The following TTC27 variants were observed in gnomAD, a reference collection of about 807,000 sequenced individuals.
TTC27 encodes tetratricopeptide repeat domain 27.
In TTC27, 79 loss-of-function variants were observed where a neutral mutation model predicts 115.9. That is an observed-to-expected ratio of 0.68 (90% CI 0.57 to 0.82). The LOEUF (loss-of-function observed/expected upper bound fraction) is 0.82, where lower values mean the gene tolerates loss of function less well. Among genes scored for constraint, TTC27 ranks in the 40% least tolerant of loss-of-function variants. The pLI, the probability that TTC27 is intolerant of heterozygous loss-of-function variation, is 0.00. For missense variants in TTC27, 1,054 were observed against 993.1 expected, an observed-to-expected ratio of 1.06 and a Z score of -0.82; for synonymous variants, 401 against 356.0, an observed-to-expected ratio of 1.13 and a Z score of -1.42.
At chr2:32,753,383 A>AAATAAATG (rs1469094355) in intron 12 of TTC27, among the ~76,000 whole-genome samples, 1 of 151,900 alleles carries the variant, frequency 6.6e-6, no homozygotes, top group Non-Finnish European at 1.5e-5. Flanking sequence ...CCAATAGAGA[A>AAATAAATG]AATAAATGGG....
At chr2:32,813,520 C>T (rs1171447389) in intron 18 of TTC27, among the ~76,000 whole-genome samples, 3 of 152,066 alleles carry the variant, frequency 2.0e-5, no homozygotes, top group Admixed American at 2.0e-4. Flanking sequence ...TAATACCTAC[C>T]CATGAAGAAT....
chr2:32,802,924 ATTTG>A (rs1163257403), intron 16 of TTC27, among the ~76,000 whole-genome samples: 1 of 152,170 alleles, frequency 6.6e-6, no homozygotes, highest in Non-Finnish European at 1.5e-5. Context: ...AGTCTATTCA[ATTTG>A]TTTATTTTAT....
intron 9 of TTC27, among the ~76,000 whole-genome samples, chr2:32,689,566 T>C (rs1351769001): frequency 6.6e-6 from 1 of 152,160 alleles, no homozygotes; most frequent in Non-Finnish European, 1.5e-5. Flanking sequence ...TCAAGCTAGT[T>C]TTCCCCATAT....
intron 12 of TTC27, among the ~76,000 whole-genome samples, chr2:32,746,994 A>T (rs1036237333): frequency 2.6e-5 from 4 of 152,242 alleles, no homozygotes; most frequent in African/African-American, 9.6e-5. Context: ...TGAGGAAAGA[A>T]GAGGTCAGTT....
intron 10 of TTC27, among the ~76,000 whole-genome samples, chr2:32,706,963 A>C (rs140839806): frequency 6.2e-4 from 95 of 152,312 alleles, no homozygotes; most frequent in Middle Eastern, 3.4e-3. Context: ...TAAGTTGTGA[A>C]CAGTAGGATG....
chr2:32,741,657 A>G (rs75305520), intron 12 of TTC27, among the ~76,000 whole-genome samples: 53,401 of 118,686 alleles, frequency 0.45, 10,151 homozygotes, highest in East Asian at 0.5. Flanking sequence ...AATAAAAAAA[A>G]CAAAAAACAA....
At chr2:32,738,610 C>G (rs144607631) in intron 12 of TTC27, among the ~76,000 whole-genome samples, 1 of 152,130 alleles carries the variant, frequency 6.6e-6, no homozygotes, top group African/African-American at 2.4e-5. Context: ...GTCAGCACTA[C>G]GTATGTTGTG....
intron 8 of TTC27, 76 bp downstream of exon 8, chr2:32,672,460 A>C (rs1033720992): frequency 2.6e-6 from 3 of 1,170,902 alleles, no homozygotes. Context: ...TCTTTATTCA[A>C]GGAGGTTCCA....
chr2:32,671,024 A>T (rs573754699), intron 7 of TTC27, among the ~76,000 whole-genome samples: 1 of 151,088 alleles, frequency 6.6e-6, no homozygotes, highest in Admixed American at 6.6e-5. Flanking sequence ...TTGTCAGTAT[A>T]TTTGGATCTG....
rs183790058 is a variant in TTC27, at chr2:32,692,087, C to T, written c.1120-10720C>T. ...TGTAGAGACAGGTCTCCCCATATTG[C>T]TCAGGCTGGTCTTGAACTCCTGGGC... On this transcript the variant is annotated intron_variant, in intron 9 of 19. Coordinates refer to ENST00000317907, the MANE Select transcript of TTC27 (RefSeq NM_017735.5). 4.1e-3 allele frequency among the ~76,000 whole-genome samples: 413 copies of T among 101,902 alleles called. 4 individuals carry two copies. Among genetic ancestry groups the T allele is most frequent in the African/African-American group, 0.014 (394 of 27,482 alleles). 66.9% of individuals were successfully genotyped at this position (101,902 alleles called of 152,430 possible).
chr2:32,788,596 T>C (rs77500714), intron 16 of TTC27, among the ~76,000 whole-genome samples: 1,761 of 152,312 alleles, frequency 0.012, 34 homozygotes, highest in African/African-American at 0.04. Context: ...ACTAATCTGC[T>C]TGTCTTTCTG....
chr2:32,757,907 G>A (rs1378152426), intron 12 of TTC27, among the ~76,000 whole-genome samples: 1 of 152,096 alleles, frequency 6.6e-6, no homozygotes, highest in Non-Finnish European at 1.5e-5. Context: ...TCACCATATT[G>A]GCCAGGCTGG....
At chr2:32,678,462 C>T (rs1666297790) in intron 8 of TTC27, among the ~76,000 whole-genome samples, 1 of 151,866 alleles carries the variant, frequency 6.6e-6, no homozygotes, top group African/African-American at 2.4e-5. Context: ...GAGTCTCGCT[C>T]TGTTGCCCAG....
intron 14 of TTC27, among the ~76,000 whole-genome samples, chr2:32,778,221 A>G (rs750677660): frequency 5.3e-5 from 8 of 152,248 alleles, no homozygotes; most frequent in East Asian, 1.9e-4. Context: ...CACTGAATGT[A>G]TAGCAAAGTA....
chr2:32,811,279 C>A lies in TTC27; in HGVS notation c.2196+58C>A, dbSNP rs979422238. On this transcript the variant is annotated intron_variant, in intron 17 of 19. Coordinates refer to ENST00000317907, the MANE Select transcript of TTC27 (RefSeq NM_017735.5). ...TTCGTTTGAACATGTTGTAGTAGAT[C>A]TACTTTTTTGATGGGTGGAGGAAGA... 5 of 1,511,004 alleles carry A rather than the reference C, an allele frequency of 3.3e-6. No homozygotes were observed. The South Asian group carries it at 4.8e-5, about 14-fold the overall frequency. 93.6% of individuals were successfully genotyped at this position (1,511,004 alleles called of 1,614,324 possible).
chr2:32,692,467 T>C (rs1666850336), intron 9 of TTC27, among the ~76,000 whole-genome samples: 1 of 152,106 alleles, frequency 6.6e-6, no homozygotes, highest in Non-Finnish European at 1.5e-5. Flanking sequence ...AGCTGCAAGA[T>C]GAAAGTAGTT....
chr2:32,733,007 A>C (rs749826127), intron 10 of TTC27, among the ~76,000 whole-genome samples: 2 of 152,208 alleles, frequency 1.3e-5, no homozygotes, highest in Non-Finnish European at 2.9e-5. Context: ...GGAGAAAATG[A>C]TCATGATAAT....
At position 32,812,547 on chromosome 2, in the gene TTC27, C is replaced by T; in HGVS notation, c.2240C>T (p.Ser747Phe). The change falls in exon 18 of 20, where the codon TCC becomes TTC. Residue 747 changes from serine to phenylalanine, a missense_variant. Transcript: ENST00000317907. Reference sequence around the variant, plus strand: ...AAGGCATACAAGTGTGACACCCAGTCCAATTGTTGGGAGAAAGATATTACA... The same window carrying T: ...AAGGCATACAAGTGTGACACCCAGTTCAATTGTTGGGAGAAAGATATTACA... ...LSKAYKCDTQ[S>F]NCWEKDITSF... is the part of the protein sequence containing the mutation. 5 of 1,614,032 alleles carry T rather than the reference C, an allele frequency of 3.1e-6. No homozygotes were observed. The highest frequency in any genetic ancestry group is 4.2e-6 in the Non-Finnish European group (5 of 1,179,954).
intron 4 of TTC27, among the ~76,000 whole-genome samples, chr2:32,643,009 G>A (rs779748067): frequency 1.2e-4 from 19 of 152,098 alleles, no homozygotes; most frequent in Non-Finnish European, 1.5e-4. Flanking sequence ...TTGCTCTGTC[G>A]CCCAGGCTGG....
Sources: allele counts gnomAD v4.1 joint callset (sites outside exome capture counted in the v4.1 genomes callset), GRCh38; gene constraint gnomAD v4.1.1; transcripts MANE v1.5; gene names NCBI Gene and HGNC (gene_info 2026-07-23, HGNC 2026-07-21).